The following FLVCR1 variants were observed in gnomAD, a reference collection of about 807,000 sequenced individuals.
FLVCR1 encodes the protein choline/ethanolamine transporter FLVCR1.
A neutral mutation model predicts 53.6 loss-of-function variants in FLVCR1; 34 were observed. The observed-to-expected ratio is 0.63, with a 90% CI of 0.48 to 0.84. The LOEUF (loss-of-function observed/expected upper bound fraction) is 0.84, where lower values mean the gene tolerates loss of function less well. FLVCR1 is among the 40% of genes least tolerant of loss of function. The pLI, the probability that FLVCR1 is intolerant of heterozygous loss-of-function variation, is 0.00. For missense variants in FLVCR1, 677 were observed against 696.7 expected, an observed-to-expected ratio of 0.97 and a Z score of 0.32; for synonymous variants, 300 against 286.3, an observed-to-expected ratio of 1.05 and a Z score of -0.48.
intron 2 of FLVCR1, 38 bp from the exon 3 acceptor site, chr1:212,872,640 T>C: frequency 7.3e-7 from 1 of 1,361,944 alleles, no homozygotes; most frequent in Non-Finnish European, 1.0e-6. Context: ...ATTGTATATA[T>C]ATTAAATATA....
intron 2 of FLVCR1, among the ~76,000 whole-genome samples, chr1:212,866,130 G>A (rs1370458402): frequency 2.0e-5 from 3 of 151,902 alleles, no homozygotes; most frequent in Non-Finnish European, 2.9e-5. Context: ...GATTACAGGC[G>A]CGTGCCACCA....
chr1:212,868,558 C>T (rs1221123864), intron 2 of FLVCR1, among the ~76,000 whole-genome samples: 3 of 152,178 alleles, frequency 2.0e-5, no homozygotes, highest in Admixed American at 1.3e-4. Flanking sequence ...TACAGGCGTG[C>T]ACCACCACAC....
intron 2 of FLVCR1, 45 bp from the exon 3 acceptor site, chr1:212,872,633 G>A (rs375629288): frequency 1.9e-5 from 23 of 1,216,052 alleles, no homozygotes; most frequent in East Asian, 1.3e-4. Context: ...ACAACATATT[G>A]TATATATATT....
At chr1:212,860,057 C>T (rs925161298) in intron 1 of FLVCR1, among the ~76,000 whole-genome samples, 4 of 152,014 alleles carry the variant, frequency 2.6e-5, no homozygotes, top group Non-Finnish European at 2.9e-5. Flanking sequence ...CTGAGGCAGG[C>T]GGATCACTTG....
At chr1:212,880,797 A>T (rs1664899205) in intron 3 of FLVCR1, among the ~76,000 whole-genome samples, 1 of 46,744 alleles carries the variant, frequency 2.1e-5, no homozygotes, top group Non-Finnish European at 6.5e-5. Context: ...CTCTTTATTA[A>T]AAAAAAAAAA....
intron 3 of FLVCR1, among the ~76,000 whole-genome samples, chr1:212,881,341 G>T (rs530626898): frequency 1.0e-5 from 1 of 95,446 alleles, no homozygotes; most frequent in Non-Finnish European, 2.2e-5. Context: ...TCACTCTGTC[G>T]AATTTCTTTT....
intron 8 of FLVCR1, among the ~76,000 whole-genome samples, chr1:212,890,171 A>G (rs1052127520): frequency 1.3e-5 from 2 of 152,246 alleles, no homozygotes; most frequent in Non-Finnish European, 2.9e-5. Flanking sequence ...ATTTTTATCC[A>G]TAGTTTGCCC....
rs1167527945 is a variant in FLVCR1 at position 212,873,999 on chromosome 1, GTT to G, written c.1024+1187_1024+1188del. On this transcript the variant is annotated intron_variant, in intron 3 of 9. Coordinates refer to ENST00000366971, the MANE Select transcript of FLVCR1 (RefSeq NM_014053.4). The stretch of plus-strand genomic sequence containing the variant: ...ATTCTTGCTTCATCTATTTCCTCCA[GTT>G]TTTTTCCTGGAATGTATTTTTTTAA... Among the ~76,000 whole-genome samples, 9 of 152,074 alleles carry G rather than the reference GTT, an allele frequency of 5.9e-5. No individual in the cohort carries two copies. In the East Asian group the frequency reaches 1.7e-3, roughly 29 times the overall value.
In FLVCR1 at chr1:212,871,501, A is replaced by G. The variant is rs143768547; in HGVS notation, c.884-1177A>G. Among the ~76,000 whole-genome samples the G allele has an allele frequency of 3.9e-5, 6 of 152,212 alleles. No homozygotes were observed. In the East Asian group the frequency reaches 1.2e-3, roughly 29 times the overall value. On this transcript the variant is annotated intron_variant, in intron 2 of 9. Transcript: ENST00000366971. The stretch of plus-strand genomic sequence containing the variant: ...CACTGCAGCCTGTATTCCTGGGCTC[A>G]GTGAAGCGATCCTGAAGCGATCCTC...
chr1:212,869,247 G>A (rs1664530766), intron 2 of FLVCR1, among the ~76,000 whole-genome samples: 1 of 152,182 alleles, frequency 6.6e-6, no homozygotes, highest in Non-Finnish European at 1.5e-5. Flanking sequence ...TTTTATTGGT[G>A]CAAATTTTTG....
chr1:212,894,018 C>T (rs960017754), intron 8 of FLVCR1, among the ~76,000 whole-genome samples: 11 of 151,778 alleles, frequency 7.2e-5, no homozygotes, highest in Non-Finnish European at 1.2e-4. Context: ...TCAAGTGATC[C>T]ACCCGCCTCG....
At chr1:212,863,599 A>C in intron 1 of FLVCR1, 126 bp from the exon 2 acceptor site, 1 of 879,180 alleles carries the variant, frequency 1.1e-6, no homozygotes, top group Non-Finnish European at 1.8e-6. Context: ...AAAAAAAAGA[A>C]CATAATAGTT....
At chr1:212,878,462 A>G (rs11120057) in intron 3 of FLVCR1, among the ~76,000 whole-genome samples, 69,485 of 149,842 alleles carry the variant, frequency 0.46, 17,338 homozygotes, top group East Asian at 0.56. Context: ...CACTTGCAGT[A>G]AGTCCGCTTG....
Position 212,863,567 on chromosome 1 carries a change from A to T in FLVCR1, c.739-158A>T, listed in dbSNP as rs981178228. Reference sequence around the variant, plus strand: ...TTGCGTCACTGCACTCCAGCCTGGGAGACAGACTTTGTCTCAAAAAAAAAA... The same window carrying T: ...TTGCGTCACTGCACTCCAGCCTGGGTGACAGACTTTGTCTCAAAAAAAAAA... On this transcript the variant is annotated intron_variant, in intron 1 of 9. Coordinates refer to ENST00000366971, the MANE Select transcript of FLVCR1 (RefSeq NM_014053.4). 7.7e-6 allele frequency: 5 copies of T among 651,642 alleles called. No individual in the cohort carries two copies. In the African/African-American group the frequency reaches 9.2e-5, roughly 12 times the overall value. 40.4% of individuals were successfully genotyped at this position (651,642 alleles called of 1,614,324 possible).
At position 212,896,715 on chromosome 1, in the gene FLVCR1, A is replaced by G. The variant is rs1182684047; in HGVS notation, c.*1425A>G. On this transcript the variant is annotated 3_prime_UTR_variant, in exon 10 of 10. Coordinates refer to ENST00000366971, the MANE Select transcript of FLVCR1 (RefSeq NM_014053.4). ...AGGCAGTGTGTTAGGCCATCCTTGC[A>G]TTGCTATAAAGAAATATTTAGGCTG... 2 of 152,144 alleles carry G rather than the reference A, an allele frequency of 1.3e-5. No individual in the cohort carries two copies. Among genetic ancestry groups the G allele is most frequent in the East Asian group, 3.9e-4 (2 of 5,176 alleles). The allele number at this position is 152,144 out of a possible 1,614,324, so 9.4% of individuals were successfully genotyped here.
intron 5 of FLVCR1, among the ~76,000 whole-genome samples, chr1:212,885,772 C>T (rs957366951): frequency 1.3e-5 from 2 of 151,770 alleles, no homozygotes; most frequent in African/African-American, 2.4e-5. Context: ...AGGATGGTCT[C>T]GATCTCCTGA....
At position 212,889,265 on chromosome 1, in the gene FLVCR1, A is replaced by G; in HGVS notation, c.1525+8A>G. On this transcript the variant is annotated splice_region_variant and intron_variant, in intron 8 of 9. Transcript: ENST00000366971. ...TAGGCATCATATTAACAGGTAAATTAGGGCGTTTGCCTGGCAAAAGGACTT... is the reference window on the plus strand; with the variant it reads ...TAGGCATCATATTAACAGGTAAATTGGGGCGTTTGCCTGGCAAAAGGACTT... 3 of 1,555,244 alleles carry G rather than the reference A, an allele frequency of 1.9e-6. No homozygotes were observed. Among genetic ancestry groups the G allele is most frequent in the South Asian group, 1.1e-5 (1 of 89,884 alleles).
intron 3 of FLVCR1, among the ~76,000 whole-genome samples, chr1:212,874,236 T>C (rs1466715439): frequency 6.6e-6 from 1 of 152,188 alleles, no homozygotes; most frequent in Non-Finnish European, 1.5e-5. Flanking sequence ...CTCAAACTCC[T>C]GACCACAGGT....
chr1:212,862,139 A>G (rs1664262517), intron 1 of FLVCR1, among the ~76,000 whole-genome samples: 1 of 151,390 alleles, frequency 6.6e-6, no homozygotes, highest in Non-Finnish European at 1.5e-5. Flanking sequence ...ATTTCTTGTG[A>G]TTATGATATT....
Sources: allele counts gnomAD v4.1 joint callset (sites outside exome capture counted in the v4.1 genomes callset), GRCh38; gene constraint gnomAD v4.1.1; transcripts MANE v1.5; gene names NCBI Gene and HGNC (gene_info 2026-07-23, HGNC 2026-07-21).